The following SCFD2 variants were observed in gnomAD, a reference collection of about 807,000 sequenced individuals.
SCFD2 encodes sec1 family domain containing 2, also known as sec1 family domain-containing protein 2.
Under a neutral mutation model 58.9 loss-of-function variants are expected in SCFD2, and 54 were observed. The observed-to-expected ratio is 0.92, with a 90% CI of 0.74 to 1.15. The LOEUF is 1.15. SCFD2 is among the 50% of genes most tolerant of loss of function. SCFD2 has a pLI of 0.00. For missense variants in SCFD2, 805 were observed against 836.6 expected, an observed-to-expected ratio of 0.96 and a Z score of 0.47; for synonymous variants, 321 against 335.9, an observed-to-expected ratio of 0.96 and a Z score of 0.49.
chr4:53,188,418 G>GGT (rs56120914), intron 4 of SCFD2, among the ~76,000 whole-genome samples: 12,635 of 143,420 alleles, frequency 0.088, 553 homozygotes, highest in East Asian at 0.19. Context: ...CTTCAAAACT[G>GGT]GTGTGTGTGT....
At chr4:53,255,977 C>T (rs1357611678) in intron 4 of SCFD2, among the ~76,000 whole-genome samples, 2 of 148,706 alleles carry the variant, frequency 1.3e-5, no homozygotes, top group African/African-American at 5.0e-5. Flanking sequence ...GGCTGACCCC[C>T]CCACCTCCCT....
intron 2 of SCFD2, among the ~76,000 whole-genome samples, chr4:53,338,255 C>T (rs77636114): frequency 0.017 from 2,555 of 152,204 alleles, 80 homozygotes; most frequent in African/African-American, 0.058. Flanking sequence ...AACTCATATG[C>T]CCATCACTGG....
intron 5 of SCFD2, among the ~76,000 whole-genome samples, chr4:53,008,873 G>A (rs1449454850): frequency 1.3e-5 from 2 of 152,102 alleles, no homozygotes; most frequent in Non-Finnish European, 2.9e-5. Context: ...CATGCAGAAC[G>A]ATCTGCTTGA....
chr4:53,245,991 G>A (rs1577889451), intron 4 of SCFD2, among the ~76,000 whole-genome samples: 1 of 152,044 alleles, frequency 6.6e-6, no homozygotes, highest in Non-Finnish European at 1.5e-5. Context: ...GCTAAATTCA[G>A]CAAAGTCACA....
intron 3 of SCFD2, among the ~76,000 whole-genome samples, chr4:53,304,293 C>T (rs770264509): frequency 6.6e-5 from 10 of 152,110 alleles, no homozygotes; most frequent in Non-Finnish European, 1.5e-4. Context: ...GTGAATCTGA[C>T]GTTTATGTGT....
At position 53,333,659 on chromosome 4, in the gene SCFD2, C is replaced by A. The variant is rs1350980492; in HGVS notation, c.1007+18939G>T. 1.4e-5 allele frequency among the ~76,000 whole-genome samples: 2 copies of A among 142,568 alleles called. 1 individual carries two copies. Among genetic ancestry groups the A allele is most frequent in the African/African-American group, 5.2e-5 (2 of 38,202 alleles). The allele number at this position is 142,568 out of a possible 152,430, so 93.5% of individuals were successfully genotyped here. On this transcript the variant is annotated intron_variant, in intron 2 of 8. Coordinates refer to ENST00000401642, the MANE Select transcript of SCFD2 (RefSeq NM_152540.4). ...AACCATAAAAACCCTAGAAGAAAAC[C>A]TAGGCAATACCATTCAGGACATAGG...
intron 5 of SCFD2, among the ~76,000 whole-genome samples, chr4:53,036,104 C>T (rs1458382745): frequency 6.6e-6 from 1 of 151,858 alleles, no homozygotes; most frequent in East Asian, 1.9e-4. Flanking sequence ...TACATGTGCA[C>T]AATGTGCAGG....
chr4:52,905,100 AAG>A (rs1182652343), intron 7 of SCFD2, among the ~76,000 whole-genome samples: 1 of 152,232 alleles, frequency 6.6e-6, no homozygotes, highest in African/African-American at 2.4e-5. Context: ...AAACAACACG[AAG>A]AAGGCTGGTA....
chr4:53,038,399 G>A (rs1304530662), intron 5 of SCFD2, among the ~76,000 whole-genome samples: 5 of 152,120 alleles, frequency 3.3e-5, no homozygotes, highest in Non-Finnish European at 7.4e-5. Context: ...AAGACAACTG[G>A]ATTGTCTTGG....
chr4:52,976,948 G>C lies in SCFD2; in HGVS notation c.1562-56078C>G, dbSNP rs79670856. The stretch of plus-strand genomic sequence containing the variant: ...TCAGTTTTCTCATCTGAAAAATGAG[G>C]ACAATAATAGCACTTACTTTGTAAG... On this transcript the variant is annotated intron_variant, in intron 5 of 8. Coordinates refer to ENST00000401642, the MANE Select transcript of SCFD2 (RefSeq NM_152540.4). Among the ~76,000 whole-genome samples, 57 of 152,184 alleles carry C rather than the reference G, an allele frequency of 3.7e-4. 1 individual carries two copies. The East Asian group carries it at 0.011, about 29-fold the overall frequency.
chr4:53,083,947 A>G (rs1467841407), intron 5 of SCFD2, among the ~76,000 whole-genome samples: 1 of 152,176 alleles, frequency 6.6e-6, no homozygotes, highest in Admixed American at 6.6e-5. Flanking sequence ...ACTGATAAGG[A>G]TCCAAGAAAG....
chr4:53,336,621 C>T (rs1441923300), intron 2 of SCFD2, among the ~76,000 whole-genome samples: 4 of 152,114 alleles, frequency 2.6e-5, no homozygotes, highest in Non-Finnish European at 5.9e-5. Context: ...AACTCCTGGG[C>T]TCAAACAATC....
chr4:53,009,199 T>G (rs1722043778), intron 5 of SCFD2, among the ~76,000 whole-genome samples: 1 of 152,202 alleles, frequency 6.6e-6, no homozygotes, highest in South Asian at 2.1e-4. Context: ...GTAATAAATT[T>G]CACAGTGTTG....
chr4:53,241,439 C>T (rs1001967938), intron 4 of SCFD2, among the ~76,000 whole-genome samples: 4 of 152,206 alleles, frequency 2.6e-5, no homozygotes, highest in African/African-American at 9.7e-5. Context: ...TGGCCTCTCC[C>T]AGCCTGGCTG....
At chr4:53,257,107 T>TAA (rs1730667933) in intron 4 of SCFD2, among the ~76,000 whole-genome samples, 1 of 101,534 alleles carries the variant, frequency 9.8e-6, no homozygotes, top group South Asian at 3.3e-4. Flanking sequence ...CCTAAAAGTG[T>TAA]AACACACACA....
chr4:53,109,946 T>C (rs1725120861), intron 5 of SCFD2, among the ~76,000 whole-genome samples: 1 of 152,028 alleles, frequency 6.6e-6, no homozygotes, highest in African/African-American at 2.4e-5. Context: ...TAAATAAATC[T>C]GGAGGTATCA....
intron 3 of SCFD2, among the ~76,000 whole-genome samples, chr4:53,296,254 A>G (rs1732026862): frequency 6.6e-6 from 1 of 152,026 alleles, no homozygotes; most frequent in African/African-American, 2.4e-5. Flanking sequence ...TTGGCTATGA[A>G]TCTCTCTGGT....
chr4:53,326,269 A>T (rs1435348863), intron 2 of SCFD2, among the ~76,000 whole-genome samples: 1 of 152,060 alleles, frequency 6.6e-6, no homozygotes, highest in Non-Finnish European at 1.5e-5. Flanking sequence ...CAGCCTTCTG[A>T]ATACCTGGGA....
intron 3 of SCFD2, among the ~76,000 whole-genome samples, chr4:53,287,684 G>A (rs1237534119): frequency 6.6e-6 from 1 of 152,080 alleles, no homozygotes; most frequent in Admixed American, 6.5e-5. Flanking sequence ...CATTTAAAAA[G>A]CAAGTAAACA....
Sources: gnomAD v4.1 joint callset for allele counts (sites outside exome capture counted in the v4.1 genomes callset) on GRCh38, gnomAD v4.1.1 for gene constraint, MANE v1.5 for transcripts, NCBI Gene and HGNC (gene_info 2026-07-23, HGNC 2026-07-21) for gene names.